Variants in FGF13 observed in about 807,000 individuals in gnomAD.
The protein encoded by FGF13 is fibroblast growth factor homologous factor 2.
A neutral mutation model predicts 19.5 loss-of-function variants in FGF13; 2 were observed. That is an observed-to-expected ratio of 0.10 (90% CI 0.04 to 0.32). FGF13 has a LOEUF of 0.32. FGF13 is among the 10% of genes least tolerant of loss of function. The probability of loss-of-function intolerance (pLI) is 1.00; values close to 1 mark genes in which losing one functional copy is unlikely to be tolerated. For missense variants in FGF13, 113 were observed against 192.7 expected, an observed-to-expected ratio of 0.59 and a Z score of 2.45; for synonymous variants, 72 against 76.9, an observed-to-expected ratio of 0.94 and a Z score of 0.33.
intron 3 of FGF13, among the ~76,000 whole-genome samples, chrX:138,784,548 T>C (rs749916597): frequency 5.4e-5 from 6 of 110,609 alleles, no homozygotes; most frequent in Non-Finnish European, 1.1e-4. Context: ...CTTTTGGAAA[T>C]ACTTTCCACC....
chrX:138,860,903 C>T (rs1017199449), intron 2 of FGF13, among the ~76,000 whole-genome samples: 2 of 112,113 alleles, frequency 1.8e-5, no homozygotes, highest in Non-Finnish European at 3.8e-5. Flanking sequence ...ATTCAGGACT[C>T]CGAAGTCTCA....
intron 1 of FGF13, among the ~76,000 whole-genome samples, chrX:139,046,721 T>G (rs1451063930): frequency 3.6e-5 from 4 of 111,923 alleles, no homozygotes; most frequent in Non-Finnish European, 5.6e-5. Flanking sequence ...CCCAATGAAC[T>G]TTTAACTTGG....
chrX:138,824,706 T>C (rs2091022380), intron 3 of FGF13, among the ~76,000 whole-genome samples: 1 of 111,414 alleles, frequency 9.0e-6, no homozygotes, highest in Admixed American at 9.6e-5. Flanking sequence ...TCCTTCTAAG[T>C]ATATTCAAAG....
rs755067671 is a variant in FGF13, at chrX:138,828,525, G to C, written c.217+28987C>G. On this transcript the variant is annotated intron_variant, in intron 3 of 6. Coordinates refer to the FGF13 transcript ENST00000436198. ...GCGGAGCTTGCAGTGAGCCGAGATCGCGCCACTGCACTCCAGCCTGGGCGA... is the reference window on the plus strand; with the variant it reads ...GCGGAGCTTGCAGTGAGCCGAGATCCCGCCACTGCACTCCAGCCTGGGCGA... Among the ~76,000 whole-genome samples the C allele has an allele frequency of 8.9e-3, 897 of 101,029 alleles. 8 individuals carry two copies. The highest frequency in any genetic ancestry group is 0.033 in the African/African-American group (836 of 24,980). 87.7% of individuals were successfully genotyped at this position (101,029 alleles called of 115,157 possible).
chrX:138,742,489 GCT>G (rs10605205), upstream of FGF13, among the ~76,000 whole-genome samples: 33,150 of 102,472 alleles, frequency 0.32, 4,499 homozygotes, highest in East Asian at 0.55. Flanking sequence ...TCAGCAAGGG[GCT>G]CTCTCTCTCT....
chrX:139,123,589 T>C (rs926646710), intron 1 of FGF13, among the ~76,000 whole-genome samples: 1 of 112,198 alleles, frequency 8.9e-6, no homozygotes, highest in Non-Finnish European at 1.9e-5. Flanking sequence ...CTAGGCACTA[T>C]TCCCTTCTTT....
intron 1 of FGF13, among the ~76,000 whole-genome samples, chrX:139,033,991 G>C (rs1270519892): frequency 8.9e-6 from 1 of 111,910 alleles, no homozygotes; most frequent in Non-Finnish European, 1.9e-5. Context: ...TACTGTCTGA[G>C]CATTCTGTGT....
At chrX:139,028,714 A>T (rs745688511) in intron 1 of FGF13, among the ~76,000 whole-genome samples, 1,363 of 62,233 alleles carry the variant, frequency 0.022, 24 homozygotes, top group Middle Eastern at 0.037. Flanking sequence ...TGTGTGAGAG[A>T]GAGAGAGAGC....
chrX:138,890,513 T>A (rs2091471704), intron 1 of FGF13, among the ~76,000 whole-genome samples: 1 of 111,785 alleles, frequency 8.9e-6, no homozygotes, highest in Non-Finnish European at 1.9e-5. Context: ...TTGCCAGGTA[T>A]TGAGTATTGT....
intron 3 of FGF13, among the ~76,000 whole-genome samples, chrX:138,697,937 C>G (rs1228664223): frequency 1.8e-5 from 2 of 111,292 alleles, no homozygotes; most frequent in African/African-American, 6.5e-5. Flanking sequence ...TTGAGGAACT[C>G]TCAAAAGCTT....
rs779363105 is a variant in FGF13 at position 138,620,596 on chromosome X, A to G, written c.*12254T>C. 4 of 112,300 alleles carry G rather than the reference A, an allele frequency of 3.6e-5. No homozygotes were observed. The East Asian group carries it at 1.1e-3, about 31-fold the overall frequency. The allele number at this position is 112,300 out of a possible 1,213,427, so 9.3% of individuals were successfully genotyped here. A position where few individuals can be genotyped will look rare whatever the true frequency, so the allele number is the denominator to read the frequency against. On this transcript the variant is annotated 3_prime_UTR_variant, in exon 5 of 5. Coordinates refer to ENST00000315930, the MANE Select transcript of FGF13 (RefSeq NM_004114.5). ...ACAAAAAAACTTACAAAACAGCTGA[A>G]AAACATTTAACAAAGTAGCAATAGT...
chrX:138,774,568 A>G (rs1170075645), intron 3 of FGF13, among the ~76,000 whole-genome samples: 1 of 111,581 alleles, frequency 9.0e-6, no homozygotes, highest in Non-Finnish European at 1.9e-5. Context: ...CCAAACCATT[A>G]TGCTTTCCTA....
intron 1 of FGF13, among the ~76,000 whole-genome samples, chrX:139,198,975 C>A (rs1182171370): frequency 8.9e-6 from 1 of 112,423 alleles, no homozygotes. Context: ...AAATAAGATT[C>A]AACTAAGTTT....
intron 1 of FGF13, among the ~76,000 whole-genome samples, chrX:139,182,746 C>G (rs762913309): frequency 9.0e-6 from 1 of 111,669 alleles, no homozygotes; most frequent in Non-Finnish European, 1.9e-5. Flanking sequence ...GATAAAAGGC[C>G]GTGTTTTTTG....
At chrX:139,115,833 A>T in intron 1 of FGF13, among the ~76,000 whole-genome samples, 1 of 112,796 alleles carries the variant, frequency 8.9e-6, no homozygotes, top group African/African-American at 3.2e-5. Flanking sequence ...ATGACTACAG[A>T]GACTGTATGT....
intron 1 of FGF13, among the ~76,000 whole-genome samples, chrX:138,724,091 C>T (rs1031896063): frequency 8.9e-5 from 10 of 111,858 alleles, no homozygotes; most frequent in African/African-American, 2.9e-4. Flanking sequence ...GAACTGTACA[C>T]GGAGCTTACT....
intron 1 of FGF13, among the ~76,000 whole-genome samples, chrX:139,154,799 C>G (rs2083964501): frequency 8.9e-6 from 1 of 111,930 alleles, no homozygotes; most frequent in African/African-American, 3.2e-5. Context: ...CTGCAAGCAG[C>G]TACCATGTCT....
intron 1 of FGF13, among the ~76,000 whole-genome samples, chrX:139,186,258 TGTAA>T (rs1275843445): frequency 2.7e-5 from 3 of 111,632 alleles, no homozygotes; most frequent in Non-Finnish European, 5.6e-5. Flanking sequence ...ATCACACAGT[TGTAA>T]GTGCTAGAGA....
intron 1 of FGF13, among the ~76,000 whole-genome samples, chrX:138,918,101 C>A (rs1262608985): frequency 9.1e-6 from 1 of 110,070 alleles, no homozygotes; most frequent in Non-Finnish European, 1.9e-5. Context: ...GATAGTTTAA[C>A]CATTTTGGAC....
Sources: gnomAD v4.1 joint callset for allele counts (sites outside exome capture counted in the v4.1 genomes callset) on GRCh38, gnomAD v4.1.1 for gene constraint, MANE v1.5 for transcripts, NCBI Gene and HGNC (gene_info 2026-07-23, HGNC 2026-07-21) for gene names.